The following DCAF6 variants were observed in gnomAD, a reference collection of about 807,000 sequenced individuals.
DCAF6 encodes DDB1- and CUL4-associated factor 6.
A neutral mutation model predicts 125.1 loss-of-function variants in DCAF6; 54 were observed. That is an observed-to-expected ratio of 0.43 (90% confidence interval 0.35 to 0.54). The LOEUF is 0.54. DCAF6 is among the 20% of genes least tolerant of loss of function. The pLI is 0.01. For missense variants in DCAF6, 934 were observed against 1,161.7 expected (o/e 0.80, Z 2.85); for synonymous variants, 371 against 390.4 (o/e 0.95, Z 0.58).
intron 10 of DCAF6, among the ~76,000 whole-genome samples, chr1:168,014,016 G>A (rs1405663707): frequency 2.0e-5 from 3 of 152,186 alleles, no homozygotes; most frequent in African/African-American, 7.2e-5. Flanking sequence ...TGGGATTACA[G>A]GTGTGAGTCA....
At chr1:167,947,770 T>C (rs1673294417) in intron 1 of DCAF6, among the ~76,000 whole-genome samples, 1 of 152,186 alleles carries the variant, frequency 6.6e-6, no homozygotes, top group Non-Finnish European at 1.5e-5. Context: ...TTGTTGAGAC[T>C]TTGTTTTGTG....
At chr1:168,070,022 T>C (rs1692830416) in intron 21 of DCAF6, among the ~76,000 whole-genome samples, 1 of 152,192 alleles carries the variant, frequency 6.6e-6, no homozygotes, top group Non-Finnish European at 1.5e-5. Flanking sequence ...GTAGTTTTCC[T>C]GCAGAAAATT....
At chr1:167,984,921 T>C (rs1679728305) in intron 4 of DCAF6, among the ~76,000 whole-genome samples, 1 of 152,052 alleles carries the variant, frequency 6.6e-6, no homozygotes, top group Non-Finnish European at 1.5e-5. Context: ...GGACTTACAG[T>C]TCTGTGTACC....
chr1:168,024,968 A>T (rs1197851379), intron 12 of DCAF6, among the ~76,000 whole-genome samples: 2 of 152,140 alleles, frequency 1.3e-5, no homozygotes, highest in Non-Finnish European at 2.9e-5. Context: ...CAAACTAAGG[A>T]ATTAAGCATG....
the DCAF6 span, among the ~76,000 whole-genome samples, chr1:167,925,456 TATATATATATATATATATACATATAC>T: frequency 8.9e-6 from 1 of 111,910 alleles, no homozygotes; most frequent in South Asian, 2.5e-4. Flanking sequence ...TATATATATA[TATATATATATATATATATACATATAC>T]ATATACACAC....
At chr1:167,941,746 T>G (rs1237504733) in intron 1 of DCAF6, among the ~76,000 whole-genome samples, 1 of 152,238 alleles carries the variant, frequency 6.6e-6, no homozygotes, top group Non-Finnish European at 1.5e-5. Context: ...AAAAAATTTT[T>G]TTTTAAACAC....
the DCAF6 span, among the ~76,000 whole-genome samples, chr1:167,868,000 A>G: frequency 6.6e-6 from 1 of 152,162 alleles, no homozygotes; most frequent in Non-Finnish European, 1.5e-5. Context: ...CCCAAGGTAG[A>G]AAAAAAGAAG....
chr1:168,015,057 A>G (rs947210650), intron 10 of DCAF6, among the ~76,000 whole-genome samples: 1 of 152,212 alleles, frequency 6.6e-6, no homozygotes, highest in East Asian at 1.9e-4. Flanking sequence ...ACTCCACAAG[A>G]ATAAGGACTG....
the DCAF6 span, chr1:167,917,860 T>C: frequency 1.3e-5 from 2 of 152,662 alleles, no homozygotes; most frequent in African/African-American, 4.8e-5. Context: ...CATGGCAAGT[T>C]AAAATGTTTT....
intron 10 of DCAF6, among the ~76,000 whole-genome samples, chr1:168,012,935 T>A (rs1406280173): frequency 6.6e-6 from 1 of 152,178 alleles, no homozygotes; most frequent in Non-Finnish European, 1.5e-5. Context: ...GGATGGAGAT[T>A]TATGTCTTCA....
chr1:167,960,623 T>G (rs1258316891), intron 2 of DCAF6, among the ~76,000 whole-genome samples: 1 of 152,172 alleles, frequency 6.6e-6, no homozygotes, highest in Non-Finnish European at 1.5e-5. Context: ...TCAGCTGTCT[T>G]GGGATTCTCC....
intron 12 of DCAF6, chr1:168,023,787 G>C (rs1193060062): frequency 6.6e-6 from 1 of 152,224 alleles, no homozygotes; most frequent in African/African-American, 2.4e-5. Context: ...AGGCTATTTA[G>C]TGTTAGCGCA....
At chr1:168,003,353 T>G (rs1427312533) in intron 8 of DCAF6, among the ~76,000 whole-genome samples, 1 of 152,180 alleles carries the variant, frequency 6.6e-6, no homozygotes, top group African/African-American at 2.4e-5. Flanking sequence ...AGAGACAAAA[T>G]ACTTTCTGGT....
chr1:167,950,758 A>C (rs1384304343), intron 1 of DCAF6, among the ~76,000 whole-genome samples: 1 of 152,206 alleles, frequency 6.6e-6, no homozygotes, highest in Non-Finnish European at 1.5e-5. Flanking sequence ...ACAGCTTCTG[A>C]ATAAACATGC....
At chr1:167,944,687 G>T (rs540057353) in intron 1 of DCAF6, among the ~76,000 whole-genome samples, 1 of 152,236 alleles carries the variant, frequency 6.6e-6, no homozygotes, top group African/African-American at 2.4e-5. Context: ...TGAGTTCCTT[G>T]TGTAGTCTGG....
chr1:168,003,406 A>AT (rs759973087), intron 8 of DCAF6, among the ~76,000 whole-genome samples: 1 of 152,206 alleles, frequency 6.6e-6, no homozygotes, highest in Non-Finnish European at 1.5e-5. Flanking sequence ...ACAGTAAATG[A>AT]TGTTGAAAAT....
At chr1:167,987,437 T>C in intron 4 of DCAF6, 58 bp from the exon 5 acceptor site, 1 of 852,062 alleles carries the variant, frequency 1.2e-6, no homozygotes, top group Non-Finnish European at 2.0e-6. Flanking sequence ...GGAATGTTTT[T>C]CAGAGCCGTC....
intron 12 of DCAF6, among the ~76,000 whole-genome samples, chr1:168,033,883 A>C (rs1328798606): frequency 1.3e-5 from 2 of 152,248 alleles, no homozygotes; most frequent in Admixed American, 6.5e-5. Flanking sequence ...ACAAGTTAAA[A>C]GGGATTTTTT....
chr1:168,008,866 T>TCCACCCTGCCC, intron 10 of DCAF6, among the ~76,000 whole-genome samples: 1 of 23,976 alleles, frequency 4.2e-5, no homozygotes, highest in Admixed American at 4.6e-4. Context: ...CCACCCCGCC[T>TCCACCCTGCCC]CCACCCTGCC....
Sources: gnomAD v4.1 joint callset for allele counts (sites outside exome capture counted in the v4.1 genomes callset) on GRCh38, gnomAD v4.1.1 for gene constraint, MANE v1.5 for transcripts, NCBI Gene and HGNC (gene_info 2026-07-23, HGNC 2026-07-21) for gene names.